MCMBP: variants seen among roughly 807,000 people sequenced by gnomAD.
The protein encoded by MCMBP is minichromosome maintenance complex binding protein.
Under a neutral mutation model 81.3 loss-of-function variants are expected in MCMBP, and 31 were observed. The observed-to-expected ratio is 0.38, with a 90% CI of 0.29 to 0.51. MCMBP has a LOEUF of 0.51. Ranked by LOEUF, MCMBP falls within the 20% of genes least tolerant of loss-of-function variation. MCMBP has a pLI of 0.87. For synonymous variants in MCMBP, 267 were observed against 275.9 expected (o/e 0.97, Z 0.32); for missense variants, 645 against 772.1 (o/e 0.84, Z 1.95).
chr10:119,855,413 T>C (rs1361764777), intron 5 of MCMBP, among the ~76,000 whole-genome samples: 1 of 152,258 alleles, frequency 6.6e-6, no homozygotes, highest in Non-Finnish European at 1.5e-5. Context: ...GGCTCACGCC[T>C]GTAATCCCGG....
intron 14 of MCMBP, among the ~76,000 whole-genome samples, chr10:119,833,485 AAAG>A (rs997490563): frequency 6.6e-6 from 1 of 151,914 alleles, no homozygotes; most frequent in African/African-American, 2.4e-5. Context: ...ACAAAAAAAA[AAAG>A]AAAGAAAAAA....
In MCMBP at chr10:119,838,693, C is replaced by T. The variant is rs202205398; in HGVS notation, c.1250G>A (p.Arg417His). 2.3e-5 allele frequency: 36 copies of T among 1,597,136 alleles called. No homozygotes were observed. In the Middle Eastern group the frequency reaches 5.0e-4, roughly 22 times the overall value. The change falls in exon 12 of 16, where the codon CGT (arginine) becomes CAT (histidine). Residue 417 changes from arginine to histidine, a missense_variant. Physicochemically the swap from Arg to His is conservative, Grantham distance 29 (BLOSUM62 0). Transcript: ENST00000369077. ...IIQHLVPASF[R>H]LQMTIENMNH... ...CATGTTCTCTATAGTCATCTGCAGA[C>T]GAAAAGACTGCAAAGAGAAATTTTT... is the stretch of plus-strand genomic sequence containing the variant.
chr10:119,849,409 C>A lies in MCMBP; in HGVS notation c.726+16G>T. On this transcript the variant is annotated intron_variant, in intron 7 of 15. Coordinates refer to ENST00000369077, the MANE Select transcript of MCMBP (RefSeq NM_001256378.2). Reference sequence around the variant, plus strand: ...ACATAACATTTCAGTGTTGGATCTACGAAAGGTTTTATTACCTTCACAAGG... The same window carrying A: ...ACATAACATTTCAGTGTTGGATCTAAGAAAGGTTTTATTACCTTCACAAGG... 3 of 1,597,420 alleles carry A rather than the reference C, an allele frequency of 1.9e-6. No individual in the cohort carries two copies. The highest frequency in any genetic ancestry group is 2.6e-6 in the Non-Finnish European group (3 of 1,175,040).
At chr10:119,834,847 G>C (rs55749845) in intron 14 of MCMBP, among the ~76,000 whole-genome samples, 14,339 of 120,778 alleles carry the variant, frequency 0.12, 810 homozygotes, top group South Asian at 0.17. Context: ...GGATGACACA[G>C]CGAGACCCTG....
At chr10:119,842,847 C>T (rs1386034172) in intron 9 of MCMBP, 5 of 394,434 alleles carry the variant, frequency 1.3e-5, no homozygotes, top group Non-Finnish European at 1.9e-5. Context: ...TCACCGCAAC[C>T]TCTGCCTCCA....
chr10:119,843,303 G>A lies in MCMBP; in HGVS notation c.951C>T (p.His317=), dbSNP rs754082657. The change falls in exon 9 of 16, where the codon CAC becomes CAT. Residue 317 remains histidine (H), a synonymous_variant. Coordinates refer to ENST00000369077, the MANE Select transcript of MCMBP (RefSeq NM_001256378.2). ...GGCAGGCAGGCAATAATGGGTTGAT[G>A]TGTTGCAACTTCTGGGCTAAGATCA... ...IHVILAQKLQ[H]INPLLPACLN... 1 of 1,613,906 alleles carries A rather than the reference G, an allele frequency of 6.2e-7. No homozygotes were observed. The highest frequency in any genetic ancestry group is 1.3e-5 in the African/African-American group (1 of 74,898).
chr10:119,838,715 T>C lies in MCMBP; in HGVS notation c.1243-15A>G. On this transcript the variant is annotated splice_polypyrimidine_tract_variant and intron_variant, in intron 11 of 15. Coordinates refer to ENST00000369077, the MANE Select transcript of MCMBP (RefSeq NM_001256378.2). ...AGACGAAAAGACTGCAAAGAGAAAT[T>C]TTTTAGTGAACAAGAATTTAAGTTT... 6.3e-7 allele frequency: 1 copy of C among 1,582,052 alleles called. No homozygotes were observed. The highest frequency in any genetic ancestry group is 8.6e-7 in the Non-Finnish European group (1 of 1,157,612).
chr10:119,845,638 A>G (rs1188075059), intron 8 of MCMBP, among the ~76,000 whole-genome samples: 3 of 152,204 alleles, frequency 2.0e-5, no homozygotes, highest in African/African-American at 7.2e-5. Context: ...TAAAATAAAT[A>G]ATGAAATCAC....
intron 6 of MCMBP, among the ~76,000 whole-genome samples, chr10:119,850,040 G>C (rs375107436): frequency 6.6e-6 from 1 of 152,250 alleles, no homozygotes; most frequent in African/African-American, 2.4e-5. Context: ...AATCAAACCA[G>C]TTGTTGGGGA....
Position 119,842,495 on chromosome 10 carries a change from A to G in MCMBP, c.1101T>C (p.Leu367=), listed in dbSNP as rs1417753854. The G allele has an allele frequency of 3.1e-6, 5 of 1,613,582 alleles. No homozygotes were observed. Among genetic ancestry groups the G allele is most frequent in the Non-Finnish European group, 3.4e-6 (4 of 1,179,716 alleles). Residue 367 remains leucine (L), a synonymous_variant, in exon 10 of 16, where the codon CTT becomes CTC. Transcript: ENST00000369077. ...ACACTGTGGAGATGAGATGTAATAT[A>G]AGGTATTCAGCAGCCAAACTATCCC... ...LLGDSLAAEY[L]ILHLISTVYT...
In MCMBP at chr10:119,840,924, A is replaced by C; in HGVS notation, c.1161T>G (p.Phe387Leu). The change falls in exon 11 of 16, where the codon TTT (phenylalanine) becomes TTG (leucine). Residue 387 changes from phenylalanine (F) to leucine (L), a missense_variant. Phe to Leu is a conservative substitution (Grantham distance 22). Transcript: ENST00000369077. ...TRRDVLPLGK[F>L]TVNLSGCPRN... The stretch of plus-strand genomic sequence containing the variant: ...GTGGGCAACCACTCAAGTTAACTGT[A>C]AATTTTCCTAGTGGAAGGACATCTC... 2 of 1,610,614 alleles carry C rather than the reference A, an allele frequency of 1.2e-6. No homozygotes were observed. Among genetic ancestry groups the C allele is most frequent in the Non-Finnish European group, 8.5e-7 (1 of 1,178,312 alleles).
chr10:119,867,426 G>A (rs935709801), intron 1 of MCMBP, among the ~76,000 whole-genome samples: 1 of 149,578 alleles, frequency 6.7e-6, no homozygotes, highest in Non-Finnish European at 1.5e-5. Context: ...AAACTCCTAC[G>A]TATGCCATCT....
intron 4 of MCMBP, among the ~76,000 whole-genome samples, chr10:119,858,500 A>T (rs980834813): frequency 6.6e-6 from 1 of 151,110 alleles, no homozygotes; most frequent in African/African-American, 2.4e-5. Flanking sequence ...CTAGGAATGA[A>T]TATTTCATTA....
chr10:119,859,285 CA>C, intron 2 of MCMBP, 104 bp from the exon 3 acceptor site: 1 of 765,854 alleles, frequency 1.3e-6, no homozygotes, highest in South Asian at 2.2e-5. Context: ...TACACACACA[CA>C]CACACACACA....
intron 8 of MCMBP, among the ~76,000 whole-genome samples, chr10:119,846,489 T>C (rs1347702625): frequency 6.6e-6 from 1 of 152,200 alleles, no homozygotes; most frequent in Non-Finnish European, 1.5e-5. Flanking sequence ...AATGAGAAAC[T>C]GGATATTTAT....
intron 2 of MCMBP, 87 bp from the exon 3 acceptor site, chr10:119,859,268 A>C: frequency 8.9e-7 from 1 of 1,122,050 alleles, no homozygotes; most frequent in Non-Finnish European, 1.3e-6. Flanking sequence ...ATCCAGACTC[A>C]AACTGTTACA....
At chr10:119,872,882 C>G (rs964565542), upstream of MCMBP, 1 of 153,708 alleles carries the variant, frequency 6.5e-6, no homozygotes, top group Non-Finnish European at 1.4e-5. Flanking sequence ...TGCCTGCGAC[C>G]TGGGTGGAGC....
At chr10:119,837,451 C>G (rs1314418947) in intron 12 of MCMBP, among the ~76,000 whole-genome samples, 2 of 152,138 alleles carry the variant, frequency 1.3e-5, no homozygotes, top group African/African-American at 4.8e-5. Flanking sequence ...ACCTTTACCT[C>G]TTGAGCTGAT....
rs111731411 is a variant in MCMBP, at chr10:119,872,091, A to C, written c.58+436T>G. 8.0e-3 allele frequency among the ~76,000 whole-genome samples: 1,222 copies of C among 152,240 alleles called. 9 individuals are homozygous for C. Among genetic ancestry groups the C allele is most frequent in the Middle Eastern group, 0.044 (13 of 294 alleles). ...AAGCGAGCACTCCCCGACGCACCGG[A>C]AGTTTTGAAATATCCTGTGGGCTTC... On this transcript the variant is annotated intron_variant, in intron 1 of 15. Coordinates refer to ENST00000369077, the MANE Select transcript of MCMBP (RefSeq NM_001256378.2).
Sources: allele counts gnomAD v4.1 joint callset (sites outside exome capture counted in the v4.1 genomes callset), GRCh38; gene constraint gnomAD v4.1.1; transcripts MANE v1.5; gene names NCBI Gene and HGNC (gene_info 2026-07-23, HGNC 2026-07-21).